Variants in LIN52 observed in about 807,000 individuals in gnomAD.
The protein encoded by LIN52 is protein lin-52 homolog.
LIN52 carries 4 observed loss-of-function variants against 18.5 expected under a neutral mutation model. The ratio of observed to expected loss-of-function variants is 0.22; its 90% CI spans 0.11 to 0.49. LIN52 has a LOEUF of 0.49. Among genes scored for constraint, LIN52 ranks in the 20% least tolerant of loss-of-function variants. LIN52 has a pLI of 0.97. For synonymous variants in LIN52, 34 were observed against 45.5 expected (o/e 0.75, Z 1.02); for missense variants, 102 against 139.5 (o/e 0.73, Z 1.35).
At chr14:74,120,531 G>A (rs2060992957) in intron 5 of LIN52, among the ~76,000 whole-genome samples, 1 of 152,070 alleles carries the variant, frequency 6.6e-6, no homozygotes, top group Admixed American at 6.6e-5. Flanking sequence ...GAGGTGGGCA[G>A]ATCACCTGAG....
intron 5 of LIN52, chr14:74,114,204 G>GTGTGTA (rs1186098560): frequency 1.0e-6 from 1 of 984,324 alleles, no homozygotes; most frequent in African/African-American, 1.8e-5. Context: ...GTGTGTGTGT[G>GTGTGTA]TGTGTGTGTA....
intron 5 of LIN52, among the ~76,000 whole-genome samples, chr14:74,164,216 C>T (rs2061238861): frequency 6.6e-6 from 1 of 151,862 alleles, no homozygotes; most frequent in Non-Finnish European, 1.5e-5. Context: ...CTTCTGACCT[C>T]GTGATCCGCC....
intron 5 of LIN52, among the ~76,000 whole-genome samples, chr14:74,118,218 G>T (rs1200973651): frequency 1.3e-5 from 2 of 151,828 alleles, no homozygotes; most frequent in African/African-American, 4.8e-5. Flanking sequence ...CTATGATCAT[G>T]CCACTGCGTT....
rs1395564104 is a variant in LIN52 at position 74,121,877 on chromosome 14, C to T, written c.283+20639C>T. On this transcript the variant is annotated intron_variant, in intron 5 of 5. Transcript: ENST00000555028. ...TAGCTGGGATTACAGGCGCGCACACCACGCGTGGCTAATTTTTGGATTTTT... is the reference window on the plus strand; with the variant it reads ...TAGCTGGGATTACAGGCGCGCACACTACGCGTGGCTAATTTTTGGATTTTT... Among the ~76,000 whole-genome samples the T allele has an allele frequency of 4.6e-5, 7 of 152,238 alleles. No individual in the cohort carries two copies. In the South Asian group the frequency reaches 8.3e-4, roughly 18 times the overall value.
chr14:74,130,102 T>G (rs2061052111), intron 5 of LIN52, among the ~76,000 whole-genome samples: 1 of 151,922 alleles, frequency 6.6e-6, no homozygotes, highest in African/African-American at 2.4e-5. Context: ...ACTGCCCCCG[T>G]GATTCAGTTA....
chr14:74,191,240 C>G (rs2078874413), intron 5 of LIN52, among the ~76,000 whole-genome samples: 2 of 152,246 alleles, frequency 1.3e-5, no homozygotes, highest in African/African-American at 4.8e-5. Context: ...CTGTTAACAA[C>G]AGCTAGCTCC....
intron 1 of LIN52, among the ~76,000 whole-genome samples, chr14:74,090,093 A>T (rs1369460597): frequency 6.9e-6 from 1 of 144,424 alleles, no homozygotes; most frequent in Non-Finnish European, 1.5e-5. Context: ...ATCTTGGCTC[A>T]CTGCAACCTC....
chr14:74,096,014 C>A (rs2060809563), intron 3 of LIN52, 29 bp downstream of exon 3: 2 of 1,538,714 alleles, frequency 1.3e-6, no homozygotes, highest in Non-Finnish European at 8.9e-7. Context: ...CTACTGAGGT[C>A]AATCCAAAGT....
intron 1 of LIN52, 157 bp downstream of exon 1, chr14:74,085,150 A>T (rs1417254284): frequency 1.6e-6 from 1 of 636,068 alleles, no homozygotes; most frequent in African/African-American, 1.9e-5. Flanking sequence ...TCTTCAGCTC[A>T]CCGGTTCTTC....
At chr14:74,163,137 A>G (rs1035096045) in intron 5 of LIN52, among the ~76,000 whole-genome samples, 6 of 152,158 alleles carry the variant, frequency 3.9e-5, no homozygotes, top group African/African-American at 1.4e-4. Context: ...CTTGGAGTAC[A>G]GTGGTACAAT....
chr14:74,189,355 G>C (rs950879389), intron 5 of LIN52, among the ~76,000 whole-genome samples: 1 of 152,170 alleles, frequency 6.6e-6, no homozygotes, highest in Non-Finnish European at 1.5e-5. Flanking sequence ...AGCCCCCAGA[G>C]TATTAATTCA....
At position 74,199,374 on chromosome 14, in the gene LIN52, G is replaced by GA. The variant is rs2078933287; in HGVS notation, c.*399dup. ...ACATGTTGATTGGATGGGTTCTTTT[G>GA]AATTGTTCTTGATCTCTTAGAAAGT... On this transcript the variant is annotated 3_prime_UTR_variant, in exon 6 of 6. Transcript: ENST00000555028. 1 of 165,136 alleles carries GA rather than the reference G, an allele frequency of 6.1e-6. No individual in the cohort carries two copies. The allele number at this position is 165,136 out of a possible 1,614,324, so 10.2% of individuals were successfully genotyped here.
chr14:74,135,224 C>T (rs1430057447), intron 5 of LIN52, among the ~76,000 whole-genome samples: 2 of 152,140 alleles, frequency 1.3e-5, no homozygotes, highest in African/African-American at 4.8e-5. Flanking sequence ...ACCACCACGC[C>T]TGGCTGATTT....
intron 5 of LIN52, among the ~76,000 whole-genome samples, chr14:74,189,473 GC>G (rs2061354447): frequency 6.6e-6 from 1 of 152,202 alleles, no homozygotes; most frequent in Admixed American, 6.5e-5. Flanking sequence ...GAAACAAAGT[GC>G]AGCTAAGAAG....
intron 5 of LIN52, among the ~76,000 whole-genome samples, chr14:74,121,483 A>G (rs1028084435): frequency 6.6e-6 from 1 of 152,264 alleles, no homozygotes; most frequent in African/African-American, 2.4e-5. Context: ...TAATGCATCA[A>G]CTGAATAGTG....
intron 5 of LIN52, among the ~76,000 whole-genome samples, chr14:74,122,842 T>A (rs2061007568): frequency 6.6e-6 from 1 of 152,088 alleles, no homozygotes. Flanking sequence ...CACTCCAGCC[T>A]GGGTGACAGA....
At chr14:74,085,211 A>G (rs2139833488) in intron 1 of LIN52, 1 of 399,848 alleles carries the variant, frequency 2.5e-6, no homozygotes, top group East Asian at 3.6e-5. Flanking sequence ...AGGCGTGTGG[A>G]GGAGGGCACT....
chr14:74,132,710 T>C (rs2061075267), intron 5 of LIN52, among the ~76,000 whole-genome samples: 2 of 152,264 alleles, frequency 1.3e-5, no homozygotes, highest in East Asian at 1.9e-4. Flanking sequence ...GTTTTCACCA[T>C]GTTAGCCAGG....
intron 5 of LIN52, among the ~76,000 whole-genome samples, chr14:74,147,759 TG>T (rs2061158388): frequency 6.6e-6 from 1 of 152,092 alleles, no homozygotes; most frequent in African/African-American, 2.4e-5. Flanking sequence ...TCCACTTATG[TG>T]AGGTAATCAG....
Sources: gnomAD v4.1 joint callset for allele counts (sites outside exome capture counted in the v4.1 genomes callset) on GRCh38, gnomAD v4.1.1 for gene constraint, MANE v1.5 for transcripts, NCBI Gene and HGNC (gene_info 2026-07-23, HGNC 2026-07-21) for gene names.